RNF17: variants seen among roughly 807,000 people sequenced by gnomAD.
The protein encoded by RNF17 is spermatogenesis associated 23.
In RNF17, 31 loss-of-function variants were observed where a neutral mutation model predicts 200.5. The observed-to-expected ratio is 0.15, with a 90% CI of 0.12 to 0.21. The LOEUF is 0.21. Among genes scored for constraint, RNF17 ranks in the 10% least tolerant of loss-of-function variants. RNF17 has a pLI of 1.00. For synonymous variants in RNF17, 606 were observed against 637.8 expected (o/e 0.95, Z 0.75); for missense variants, 1,628 against 1,905.1 (o/e 0.85, Z 2.71).
chr13:24,839,551 CAGAAT>C (rs1890386649), intron 18 of RNF17, among the ~76,000 whole-genome samples: 1 of 152,018 alleles, frequency 6.6e-6, no homozygotes, highest in Non-Finnish European at 1.5e-5. Flanking sequence ...ACTAATGAAA[CAGAAT>C]AGAGAACCCA....
chr13:24,763,963 C>T (rs1337431763), upstream of RNF17, among the ~76,000 whole-genome samples: 1 of 152,196 alleles, frequency 6.6e-6, no homozygotes, highest in African/African-American at 2.4e-5. Context: ...AGTGGTGACT[C>T]TTTGGGTAGA....
At chr13:24,873,429 T>C (rs1479040670) in intron 32 of RNF17, among the ~76,000 whole-genome samples, 1 of 152,248 alleles carries the variant, frequency 6.6e-6, no homozygotes, top group Admixed American at 6.5e-5. Context: ...CTTTTCTGTA[T>C]TAAACATTTT....
At chr13:24,835,295 A>T (rs1366708391) in intron 18 of RNF17, among the ~76,000 whole-genome samples, 1 of 152,082 alleles carries the variant, frequency 6.6e-6, no homozygotes, top group Non-Finnish European at 1.5e-5. Flanking sequence ...GGCCCCGCCC[A>T]TCGCCGGTTC....
chr13:24,821,771 A>G (rs1446291), intron 15 of RNF17, among the ~76,000 whole-genome samples: 149,594 of 152,278 alleles, frequency 0.98, 73,521 homozygotes, highest in Middle Eastern at 1. Flanking sequence ...TTTTCCCTTA[A>G]CCCTTTTAAC....
the RNF17 span, chr13:24,885,853 G>T: frequency 6.7e-6 from 4 of 595,920 alleles, no homozygotes; most frequent in South Asian, 4.1e-5. Context: ...AGTCCTAGAT[G>T]TCCAAGAAAG....
chr13:24,871,822 A>G (rs1479102870), intron 32 of RNF17, among the ~76,000 whole-genome samples: 6 of 151,910 alleles, frequency 3.9e-5, no homozygotes, highest in Non-Finnish European at 8.8e-5. Context: ...TAGTAGAGAC[A>G]GGGTTTCACT....
rs147724150 is a variant in RNF17 at position 24,770,244 on chromosome 13, A to T, written c.225+2878A>T. Among the ~76,000 whole-genome samples the T allele has an allele frequency of 4.8e-3, 737 of 152,278 alleles. 3 individuals carry two copies. Among genetic ancestry groups the T allele is most frequent in the Non-Finnish European group, 6.3e-3 (426 of 67,996 alleles). ...ATAGAAATCAGAAACTACAGAATAA[A>T]TGCTTGTTAAATTTGACCACAGTTT... On this transcript the variant is annotated intron_variant, in intron 2 of 35. Coordinates refer to ENST00000255324, the MANE Select transcript of RNF17 (RefSeq NM_031277.3).
chr13:24,763,472 C>T (rs2137838871), upstream of RNF17, among the ~76,000 whole-genome samples: 1 of 151,610 alleles, frequency 6.6e-6, no homozygotes, highest in African/African-American at 2.4e-5. Flanking sequence ...CCGCCCTGGC[C>T]TCCCAAAGTG....
chr13:24,754,660 C>G, the RNF17 span, among the ~76,000 whole-genome samples: 2 of 152,118 alleles, frequency 1.3e-5, no homozygotes, highest in African/African-American at 4.8e-5. Flanking sequence ...GAGGCTGAGG[C>G]TGGGCAGATC....
intron 16 of RNF17, among the ~76,000 whole-genome samples, chr13:24,829,010 T>G (rs1889081553): frequency 6.6e-6 from 1 of 152,024 alleles, no homozygotes; most frequent in Non-Finnish European, 1.5e-5. Context: ...GGGGTCAAAC[T>G]CCTGGGCTCA....
intron 24 of RNF17, among the ~76,000 whole-genome samples, chr13:24,852,434 G>C (rs1026767918): frequency 5.9e-5 from 9 of 152,050 alleles, no homozygotes; most frequent in African/African-American, 1.9e-4. Flanking sequence ...CACCACGCTC[G>C]GCCTCTTTTC....
At chr13:24,855,372 G>A (rs1892360610) in intron 25 of RNF17, among the ~76,000 whole-genome samples, 1 of 152,070 alleles carries the variant, frequency 6.6e-6, no homozygotes, top group African/African-American at 2.4e-5. Flanking sequence ...GCTCATGCCT[G>A]TCATCCCAGC....
rs1439845752 is a variant in RNF17, at chr13:24,779,678, T to C, written c.441T>C (p.Thr147=). ...CCCTCCCTTCTTAGGACACTAATACTGCAGAAGAAATTGATGAAGCATTGA... is the reference window on the plus strand; with the variant it reads ...CCCTCCCTTCTTAGGACACTAATACCGCAGAAGAAATTGATGAAGCATTGA... The part of the protein sequence containing the change: ...NSSAVMLDTN[T]AEEIDEALNT... The change falls in exon 5 of 36, where the codon ACT becomes ACC. Residue 147 remains threonine, a synonymous_variant. Coordinates refer to ENST00000255324, the MANE Select transcript of RNF17 (RefSeq NM_031277.3). The C allele has an allele frequency of 1.2e-6, 2 of 1,612,508 alleles. No homozygotes were observed. The highest frequency in any genetic ancestry group is 1.7e-4 in the Middle Eastern group (1 of 6,058).
Position 24,831,887 on chromosome 13 carries a change from A to G in RNF17, c.2391A>G (p.Glu797=). The part of the protein sequence containing the change: ...KAIKCKLAYI[E]PYKRTMQWSK... The stretch of plus-strand genomic sequence containing the variant: ...TTAAATGTAAGTTGGCCTATATTGA[A>G]CCATATAAAAGGACAATGCAGTGGT... The change falls in exon 18 of 36, where the codon GAA becomes GAG. Residue 797 remains glutamate (E), a synonymous_variant. Transcript: ENST00000255324. The G allele has an allele frequency of 6.2e-7, 1 of 1,607,584 alleles. No individual in the cohort carries two copies. Among genetic ancestry groups the G allele is most frequent in the Non-Finnish European group, 8.5e-7 (1 of 1,178,216 alleles).
At position 24,802,548 on chromosome 13, in the gene RNF17, G is replaced by A. The variant is rs752783438; in HGVS notation, c.1926G>A (p.Ala642=). 22 of 1,606,518 alleles carry A rather than the reference G, an allele frequency of 1.4e-5. No individual in the cohort carries two copies. The highest frequency in any genetic ancestry group is 5.1e-5 in the Admixed American group (3 of 58,432). ...ATATGCCTGTGTCTCTTAGAGATGC[G>A]CTAGTTTTTATGGAACTAGCAAAGT... ...SSDMPVSLRD[A]LVFMELAKFK... is the part of the protein sequence containing the mutation. The change falls in exon 14 of 36, where the codon GCG becomes GCA. Residue 642 remains alanine, a synonymous_variant. Transcript: ENST00000255324.
chr13:24,835,709 A>G (rs1449232816), intron 18 of RNF17, among the ~76,000 whole-genome samples: 1 of 152,230 alleles, frequency 6.6e-6, no homozygotes, highest in African/African-American at 2.4e-5. Flanking sequence ...GACAGAGCCT[A>G]TCCAAATGAG....
intron 35 of RNF17, among the ~76,000 whole-genome samples, 192 bp downstream of exon 35, chr13:24,879,487 C>T (rs778117108): frequency 5.3e-5 from 8 of 152,102 alleles, no homozygotes; most frequent in Non-Finnish European, 1.0e-4. Flanking sequence ...TGTAAGGATG[C>T]CTGGATGGGC....
At chr13:24,879,411 C>A (rs1193074724) in intron 35 of RNF17, 116 bp downstream of exon 35, 2 of 670,354 alleles carry the variant, frequency 3.0e-6, no homozygotes, top group African/African-American at 3.6e-5. Flanking sequence ...GACAGCAACG[C>A]TCCACCAGAT....
At chr13:24,788,419 T>C (rs1883401982) in intron 7 of RNF17, among the ~76,000 whole-genome samples, 1 of 152,244 alleles carries the variant, frequency 6.6e-6, no homozygotes, top group South Asian at 2.1e-4. Context: ...TAAGTCTTTG[T>C]AACACTTGAT....
Sources: allele counts gnomAD v4.1 joint callset (sites outside exome capture counted in the v4.1 genomes callset), GRCh38; gene constraint gnomAD v4.1.1; transcripts MANE v1.5; gene names NCBI Gene and HGNC (gene_info 2026-07-23, HGNC 2026-07-21).